The following LEKR1 variants were observed in gnomAD, a reference collection of about 807,000 sequenced individuals.
LEKR1 encodes protein LEKR1.
Under a neutral mutation model 72.4 loss-of-function variants are expected in LEKR1, and 59 were observed. That is an observed-to-expected ratio of 0.82 (90% confidence interval 0.66 to 1.01). The LOEUF is 1.01. LEKR1 is among the 50% of genes least tolerant of loss of function. The pLI, the probability that LEKR1 is intolerant of heterozygous loss-of-function variation, is 0.00. For missense variants in LEKR1, 728 were observed against 759.2 expected, an observed-to-expected ratio of 0.96 and a Z score of 0.48; for synonymous variants, 257 against 263.2, an observed-to-expected ratio of 0.98 and a Z score of 0.23.
At chr3:156,900,195 C>T (rs1180175842) in intron 3 of LEKR1, among the ~76,000 whole-genome samples, 3 of 152,038 alleles carry the variant, frequency 2.0e-5, no homozygotes, top group Non-Finnish European at 4.4e-5. Context: ...GAATGTGGGT[C>T]CATTGTTTTT....
In LEKR1 at chr3:156,927,524, A is replaced by G; in HGVS notation, c.479A>G (p.Tyr160Cys). The change falls in exon 5 of 13, where the codon TAT (tyrosine) becomes TGT (cysteine). Residue 160 changes from tyrosine (Y) to cysteine (C), a missense_variant. Coordinates refer to ENST00000356539, the MANE Select transcript of LEKR1 (RefSeq NM_001004316.3). ...CTAACCAGTATTAAAAATGAAGTAT[A>G]TGATAATTACCAAAACTGGACTTCA... ...RELTSIKNEVYDNYQNWTSLK... is the reference protein window; with the variant it reads ...RELTSIKNEVCDNYQNWTSLK... 1.6e-6 allele frequency: 2 copies of G among 1,226,492 alleles called. No homozygotes were observed. The highest frequency in any genetic ancestry group is 2.8e-5 in the South Asian group (2 of 70,386). The allele number at this position is 1,226,492 out of a possible 1,614,324, so 76.0% of individuals were successfully genotyped here.
chr3:156,897,988 G>T (rs1401872465), intron 3 of LEKR1, among the ~76,000 whole-genome samples: 1 of 151,916 alleles, frequency 6.6e-6, no homozygotes, highest in African/African-American at 2.4e-5. Flanking sequence ...GGAGACCAGG[G>T]TTCCTTTGAA....
At chr3:156,918,147 C>A (rs1281857794) in intron 3 of LEKR1, among the ~76,000 whole-genome samples, 1 of 151,974 alleles carries the variant, frequency 6.6e-6, no homozygotes, top group Non-Finnish European at 1.5e-5. Context: ...AAGTGAATAA[C>A]AATGTGAATA....
intron 3 of LEKR1, among the ~76,000 whole-genome samples, chr3:156,881,642 A>G: frequency 1.3e-5 from 2 of 149,536 alleles, no homozygotes; most frequent in Non-Finnish European, 3.0e-5. Flanking sequence ...GAGAATTGGA[A>G]AAAACTACTT....
At chr3:157,021,839 T>C (rs1377700731) in intron 10 of LEKR1, among the ~76,000 whole-genome samples, 1 of 152,126 alleles carries the variant, frequency 6.6e-6, no homozygotes, top group Non-Finnish European at 1.5e-5. Flanking sequence ...TATTGATTAC[T>C]ATTAATATTT....
chr3:157,020,594 C>A (rs1216727506), intron 10 of LEKR1, among the ~76,000 whole-genome samples: 1 of 151,606 alleles, frequency 6.6e-6, no homozygotes, highest in African/African-American at 2.4e-5. Context: ...CATGTACCTA[C>A]AAAGGACATG....
At chr3:156,948,906 G>A (rs1208905371) in intron 6 of LEKR1, among the ~76,000 whole-genome samples, 1 of 151,324 alleles carries the variant, frequency 6.6e-6, no homozygotes, top group East Asian at 1.9e-4. Flanking sequence ...TTGCATTTCT[G>A]TAATAATCAG....
At chr3:156,851,700 C>T (rs965964496) in intron 2 of LEKR1, among the ~76,000 whole-genome samples, 3 of 151,674 alleles carry the variant, frequency 2.0e-5, no homozygotes, top group Admixed American at 6.6e-5. Flanking sequence ...TTCCAGTTGA[C>T]ATTTGTGTAA....
At chr3:157,019,112 C>T (rs6779199) in intron 10 of LEKR1, among the ~76,000 whole-genome samples, 110,901 of 152,006 alleles carry the variant, frequency 0.73, 40,955 homozygotes, top group East Asian at 0.93. Context: ...TTTTAGGAGC[C>T]ATATCTTTAA....
intron 11 of LEKR1, among the ~76,000 whole-genome samples, chr3:157,026,876 C>T (rs1296750697): frequency 1.3e-5 from 2 of 152,148 alleles, no homozygotes; most frequent in South Asian, 2.1e-4. Context: ...GGACTTTTCC[C>T]TTCTAAAGAC....
At chr3:156,939,403 T>C (rs1014332913) in intron 5 of LEKR1, among the ~76,000 whole-genome samples, 2 of 152,202 alleles carry the variant, frequency 1.3e-5, no homozygotes, top group Non-Finnish European at 2.9e-5. Context: ...TCTCTGGAGC[T>C]GTGAGAAAAT....
At chr3:156,994,869 G>A (rs1421649952) in intron 9 of LEKR1, among the ~76,000 whole-genome samples, 4 of 152,180 alleles carry the variant, frequency 2.6e-5, no homozygotes, top group Non-Finnish European at 5.9e-5. Context: ...AGGCTTAATT[G>A]TTTAGTCAGA....
At chr3:156,851,157 A>G (rs1715310494) in intron 2 of LEKR1, 1 of 152,226 alleles carries the variant, frequency 6.6e-6, no homozygotes. Context: ...GAAAAAATTT[A>G]GAGAAATCTA....
At chr3:156,864,438 CCTT>C (rs1196801019) in intron 3 of LEKR1, among the ~76,000 whole-genome samples, 1 of 152,002 alleles carries the variant, frequency 6.6e-6, no homozygotes, top group Non-Finnish European at 1.5e-5. Context: ...TCTACAAACT[CCTT>C]CTTTTCCAAC....
chr3:156,882,834 G>A (rs1162937371), intron 3 of LEKR1, among the ~76,000 whole-genome samples: 1 of 151,784 alleles, frequency 6.6e-6, no homozygotes. Flanking sequence ...AAAAAATGAT[G>A]AGTTCATGTC....
At chr3:156,949,089 T>A (rs1726931288) in intron 6 of LEKR1, among the ~76,000 whole-genome samples, 1 of 151,320 alleles carries the variant, frequency 6.6e-6, no homozygotes, top group South Asian at 2.1e-4. Flanking sequence ...CTTTGCAAAT[T>A]TTGTCTCCCA....
At chr3:156,978,575 A>G (rs1729903678) in intron 6 of LEKR1, among the ~76,000 whole-genome samples, 1 of 152,238 alleles carries the variant, frequency 6.6e-6, no homozygotes, top group Admixed American at 6.5e-5. Flanking sequence ...TCAGTTCTGC[A>G]TTCACACACT....
chr3:156,880,613 C>T (rs1396611647), intron 3 of LEKR1, among the ~76,000 whole-genome samples: 1 of 152,102 alleles, frequency 6.6e-6, no homozygotes, highest in Non-Finnish European at 1.5e-5. Context: ...CTATTCCAAT[C>T]AATAGAAAAA....
chr3:156,904,541 C>G (rs1185567590), intron 3 of LEKR1, among the ~76,000 whole-genome samples: 3 of 151,268 alleles, frequency 2.0e-5, no homozygotes, highest in African/African-American at 2.4e-5. Context: ...CTCACTGCAG[C>G]CTTGAACGCT....
Sources: gnomAD v4.1 joint callset for allele counts (sites outside exome capture counted in the v4.1 genomes callset) on GRCh38, gnomAD v4.1.1 for gene constraint, MANE v1.5 for transcripts, NCBI Gene and HGNC (gene_info 2026-07-23, HGNC 2026-07-21) for gene names.